Variants in FRMD4A observed in about 807,000 individuals in gnomAD.
The protein encoded by FRMD4A is FERM domain containing 4A.
FRMD4A carries 29 observed loss-of-function variants against 129.1 expected under a neutral mutation model. The observed-to-expected ratio is 0.22, with a 90% CI of 0.17 to 0.31. The LOEUF is 0.31. Ranked by LOEUF, FRMD4A falls within the 10% of genes least tolerant of loss-of-function variation. The pLI, the probability that FRMD4A is intolerant of heterozygous loss-of-function variation, is 1.00. For missense variants in FRMD4A, 1,272 were observed against 1,375.8 expected (o/e 0.92, Z 1.19); for synonymous variants, 634 against 571.6 (o/e 1.11, Z -1.56).
chr10:14,241,840 G>A (rs533024830), intron 2 of FRMD4A, among the ~76,000 whole-genome samples: 2 of 152,146 alleles, frequency 1.3e-5, no homozygotes, highest in South Asian at 4.2e-4. Flanking sequence ...GATGGGAAGA[G>A]TGGCTGAGGA....
chr10:14,206,899 T>C (rs920026621), intron 2 of FRMD4A, among the ~76,000 whole-genome samples: 4 of 151,518 alleles, frequency 2.6e-5, no homozygotes, highest in African/African-American at 9.7e-5. Flanking sequence ...GCCCCACTGA[T>C]TGGAATGCAA....
intron 2 of FRMD4A, among the ~76,000 whole-genome samples, chr10:13,970,082 C>G (rs1172153881): frequency 6.6e-6 from 1 of 152,082 alleles, no homozygotes; most frequent in Non-Finnish European, 1.5e-5. Context: ...TTTTTTTCCC[C>G]CAGGATTCTT....
intron 3 of FRMD4A, among the ~76,000 whole-genome samples, chr10:13,827,868 G>A (rs1193094990): frequency 6.6e-6 from 1 of 152,204 alleles, no homozygotes; most frequent in Non-Finnish European, 1.5e-5. Flanking sequence ...GCTTCGGGGA[G>A]CCCTGCTCTT....
intron 2 of FRMD4A, among the ~76,000 whole-genome samples, chr10:14,283,076 C>T (rs549303421): frequency 2.0e-5 from 3 of 152,346 alleles, no homozygotes; most frequent in African/African-American, 7.2e-5. Flanking sequence ...GTCAGTGTCT[C>T]TTATGAGTTC....
At chr10:13,690,626 G>A (rs1470346334) in intron 15 of FRMD4A, among the ~76,000 whole-genome samples, 3 of 152,118 alleles carry the variant, frequency 2.0e-5, no homozygotes, top group African/African-American at 7.2e-5. Flanking sequence ...ACCTGCCCTC[G>A]GGTTGAGTCA....
At chr10:13,740,754 T>C (rs572581546) in intron 9 of FRMD4A, among the ~76,000 whole-genome samples, 177 bp from the exon 10 acceptor site, 1 of 152,196 alleles carries the variant, frequency 6.6e-6, no homozygotes, top group South Asian at 2.1e-4. Context: ...GCTATCTATT[T>C]GGATGTAGAT....
chr10:14,064,307 T>C (rs1164120257), intron 2 of FRMD4A, among the ~76,000 whole-genome samples: 1 of 152,262 alleles, frequency 6.6e-6, no homozygotes, highest in Non-Finnish European at 1.5e-5. Context: ...GTTGCACTTT[T>C]CCTTCTGTAG....
At chr10:13,654,031 G>T in intron 23 of FRMD4A, 1 of 382,976 alleles carries the variant, frequency 2.6e-6, no homozygotes, top group Non-Finnish European at 4.6e-6. Context: ...CAGTGTATTT[G>T]CTGTCTTCAT....
chr10:13,693,458 T>G, intron 15 of FRMD4A: 1 of 1,099,064 alleles, frequency 9.1e-7, no homozygotes, highest in Non-Finnish European at 1.1e-6. Context: ...GTATTCCGCA[T>G]TTTTAAAAGC....
intron 14 of FRMD4A, among the ~76,000 whole-genome samples, chr10:13,696,956 G>C (rs1564633171): frequency 6.6e-6 from 1 of 152,180 alleles, no homozygotes; most frequent in Admixed American, 6.5e-5. Context: ...GCTGTAATTT[G>C]CTAACTGAGG....
chr10:13,991,625 T>A (rs1300805371), intron 2 of FRMD4A, among the ~76,000 whole-genome samples: 3 of 152,226 alleles, frequency 2.0e-5, no homozygotes, highest in Non-Finnish European at 4.4e-5. Flanking sequence ...TCCCATGTCT[T>A]GGCTTACCTT....
chr10:13,846,479 GT>G (rs2094047778), intron 3 of FRMD4A, among the ~76,000 whole-genome samples: 1 of 152,226 alleles, frequency 6.6e-6, no homozygotes, highest in South Asian at 2.1e-4. Flanking sequence ...CCTTCTCCAT[GT>G]GCTGATATTG....
At chr10:14,213,811 T>C (rs1282010844) in intron 2 of FRMD4A, among the ~76,000 whole-genome samples, 2 of 152,194 alleles carry the variant, frequency 1.3e-5, no homozygotes, top group Non-Finnish European at 2.9e-5. Context: ...TGGGAAGTAA[T>C]TGAATCATGG....
At chr10:14,138,880 C>T (rs1337215640) in intron 2 of FRMD4A, among the ~76,000 whole-genome samples, 1 of 152,154 alleles carries the variant, frequency 6.6e-6, no homozygotes, top group African/African-American at 2.4e-5. Context: ...AATACAGGAA[C>T]ATTTTTCTAC....
intron 15 of FRMD4A, among the ~76,000 whole-genome samples, chr10:13,688,814 C>T (rs1031506637): frequency 6.6e-6 from 1 of 152,058 alleles, no homozygotes; most frequent in African/African-American, 2.4e-5. Flanking sequence ...CCTAGCTAGG[C>T]TCAAGTAACT....
At chr10:14,116,566 G>C (rs1398455679) in intron 2 of FRMD4A, among the ~76,000 whole-genome samples, 8 of 152,176 alleles carry the variant, frequency 5.3e-5, no homozygotes, top group Non-Finnish European at 1.2e-4. Context: ...AGGGGTGGAG[G>C]AAGCCTTACA....
intron 2 of FRMD4A, among the ~76,000 whole-genome samples, chr10:14,005,761 A>AT (rs1433512873): frequency 5.9e-5 from 9 of 152,180 alleles, no homozygotes; most frequent in Admixed American, 5.9e-4. Flanking sequence ...CTGCTCTGTC[A>AT]TTGACTGTAT....
chr10:13,673,099 C>CT (rs1225501952), intron 16 of FRMD4A, among the ~76,000 whole-genome samples: 2 of 152,092 alleles, frequency 1.3e-5, no homozygotes, highest in East Asian at 3.8e-4. Flanking sequence ...GGTTTAGGGA[C>CT]TTTTTATTAA....
At chr10:13,843,643 G>A (rs571044377) in intron 3 of FRMD4A, among the ~76,000 whole-genome samples, 20 of 152,204 alleles carry the variant, frequency 1.3e-4, no homozygotes, top group Non-Finnish European at 2.8e-4. Context: ...AATTAGAGGC[G>A]GCCACCACCA....
Sources: gnomAD v4.1 joint callset for allele counts (sites outside exome capture counted in the v4.1 genomes callset) on GRCh38, gnomAD v4.1.1 for gene constraint, MANE v1.5 for transcripts, NCBI Gene and HGNC (gene_info 2026-07-23, HGNC 2026-07-21) for gene names.